ZNF319: variants seen among roughly 807,000 people sequenced by gnomAD.
The protein encoded by ZNF319 is zinc finger protein 319.
A neutral mutation model predicts 46.0 loss-of-function variants in ZNF319; 15 were observed. The ratio of observed to expected loss-of-function variants is 0.33; its 90% confidence interval spans 0.22 to 0.50. The LOEUF (loss-of-function observed/expected upper bound fraction) is 0.50, where lower values mean the gene tolerates loss of function less well. ZNF319 is among the 20% of genes least tolerant of loss of function. The probability of loss-of-function intolerance (pLI) is 0.98; values close to 1 mark genes in which losing one functional copy is unlikely to be tolerated. For missense variants in ZNF319, 635 were observed against 807.0 expected, an observed-to-expected ratio of 0.79 and a Z score of 2.58; for synonymous variants, 368 against 364.0, an observed-to-expected ratio of 1.01 and a Z score of -0.13.
chr16:57,998,260 C>T lies in ZNF319; in HGVS notation c.6G>A (p.Ser2=), dbSNP rs775041148. The change falls in exon 2 of 2, where the codon TCG becomes TCA. Residue 2 remains serine, a synonymous_variant. Transcript: ENST00000299237. ...TCTGTGGCGGCTGTTGCCAGCTTTC[C>T]GACATGCTTGGGAAGATGAAACAGG... M[S]ESWQQPPQTQ... The T allele has an allele frequency of 9.3e-5, 141 of 1,523,008 alleles. 1 individual carries two copies. In the East Asian group the frequency reaches 2.2e-3, roughly 23 times the overall value. 94.3% of individuals were successfully genotyped at this position (1,523,008 alleles called of 1,614,324 possible). A position where few individuals can be genotyped will look rare whatever the true frequency, so the allele number is the denominator to read the frequency against.
rs552597737 is a variant in ZNF319 at position 58,000,093 on chromosome 16, T to A, written c.-858A>T. On this transcript the variant is annotated 5_prime_UTR_variant, in exon 1 of 2. Transcript: ENST00000299237. The surrounding 1 kb of genome is among the most constrained non-coding windows in gnomAD (Gnocchi z 4.5). ...CCCTGAGAAACCGAATGAAAGCCGA[T>A]CACCTCCCGCCGGCCCTGCCTGCAG... Among the ~76,000 whole-genome samples the A allele has an allele frequency of 3.9e-5, 6 of 152,128 alleles. No individual in the cohort carries two copies. In the East Asian group the frequency reaches 1.2e-3, roughly 29 times the overall value.
chr16:57,997,526 T>G lies in ZNF319; in HGVS notation c.740A>C (p.His247Pro). 1 of 1,613,556 alleles carries G rather than the reference T, an allele frequency of 6.2e-7. No homozygotes were observed. Among genetic ancestry groups the G allele is most frequent in the Non-Finnish European group, 8.5e-7 (1 of 1,179,594 alleles). ...KSFSQSSHLV[H>P]HKRTHSSERP... ...CTCGGAGCTGTGCGTGCGCTTGTGGTGCACCAGGTGCGACGACTGGCTGAA... is the reference window on the plus strand; with the variant it reads ...CTCGGAGCTGTGCGTGCGCTTGTGGGGCACCAGGTGCGACGACTGGCTGAA... Residue 247 changes from histidine (H) to proline (P), a missense_variant, in exon 2 of 2, where the codon CAC becomes CCC. This residue lies in a region of ZNF319 where 138 missense variants were observed against 248.0 expected (regional missense o/e 0.56). Coordinates refer to ENST00000299237, the MANE Select transcript of ZNF319 (RefSeq NM_020807.3).
At position 58,000,363 on chromosome 16, in the gene ZNF319, T is replaced by TGGCCCCCAGATGC. The variant is rs897550509; in HGVS notation, c.-1141_-1129dup. The TGGCCCCCAGATGC allele has an allele frequency of 1.4e-5, 2 of 142,632 alleles. No homozygotes were observed. The highest frequency in any genetic ancestry group is 5.2e-5 in the African/African-American group (2 of 38,214). The allele number at this position is 142,632 out of a possible 1,614,324, so 8.8% of individuals were successfully genotyped here. On this transcript the variant is annotated 5_prime_UTR_variant, in exon 1 of 2. Coordinates refer to ENST00000299237, the MANE Select transcript of ZNF319 (RefSeq NM_020807.3). This position sits in a 1 kb window ranked among gnomAD's most constrained non-coding sequence, Gnocchi z 4.5. Reference sequence around the variant, plus strand: ...GGAAGGGGTGCGGCGGGCGCGGGGGTGGCCCCCAGATGCGGCCCCGGGCGC... The same window carrying TGGCCCCCAGATGC: ...GGAAGGGGTGCGGCGGGCGCGGGGGTGGCCCCCAGATGCGGCCCCCAGATGCGGCCCCGGGCGC...
chr16:57,997,602 G>C lies in ZNF319; in HGVS notation c.664C>G (p.Arg222Gly). Residue 222 changes from arginine (R) to glycine (G), a missense_variant, in exon 2 of 2, where the codon CGG becomes GGG. Physicochemically the swap from Arg to Gly is moderately radical, Grantham distance 125 (BLOSUM62 -2). Transcript: ENST00000299237. ...KHLSELSRHERIHTGEKPYKC... is the reference protein window; with the variant it reads ...KHLSELSRHEGIHTGEKPYKC... ...TAGGGCTTCTCACCGGTGTGGATCCGCTCATGCCGAGAGAGCTCCGACAGG... is the reference window on the plus strand; with the variant it reads ...TAGGGCTTCTCACCGGTGTGGATCCCCTCATGCCGAGAGAGCTCCGACAGG... 1 of 1,614,004 alleles carries C rather than the reference G, an allele frequency of 6.2e-7. No individual in the cohort carries two copies. The highest frequency in any genetic ancestry group is 8.5e-7 in the Non-Finnish European group (1 of 1,179,992).
Position 57,996,638 on chromosome 16 carries a change from T to C in ZNF319, c.1628A>G (p.Lys543Arg), listed in dbSNP as rs757496599. 38 of 1,611,994 alleles carry C rather than the reference T, an allele frequency of 2.4e-5. 1 individual carries two copies. Among genetic ancestry groups the C allele is most frequent in the Admixed American group, 1.3e-4 (8 of 60,004 alleles). ...QGVHAREQQFKCVWCGERFLD... is the reference protein window; with the variant it reads ...QGVHAREQQFRCVWCGERFLD... ...GAAGCGCTCCCCGCACCATACACAC[T>C]TGAACTGCTGCTCGCGGGCGTGCAC... Residue 543 changes from lysine (K) to arginine (R), a missense_variant, in exon 2 of 2, where the codon AAG becomes AGG. This residue lies in a region of ZNF319 where 270 missense variants were observed against 281.4 expected (regional missense o/e 0.96). Transcript: ENST00000299237.
rs1345603645 is a variant in ZNF319 at position 57,998,076 on chromosome 16, G to C, written c.190C>G (p.Gln64Glu). 76 of 1,609,128 alleles carry C rather than the reference G, an allele frequency of 4.7e-5. No homozygotes were observed. The highest frequency in any genetic ancestry group is 6.4e-5 in the Non-Finnish European group (76 of 1,179,288). The change falls in exon 2 of 2, where the codon CAA (glutamine) becomes GAA (glutamate). Residue 64 changes from glutamine (Q) to glutamate (E), a missense_variant. Gln to Glu is a conservative substitution (Grantham distance 29). Around this residue, in one of 3 missense-constraint regions of ZNF319, gnomAD observed 227 missense variants for 277.5 expected, o/e 0.82. Coordinates refer to ENST00000299237, the MANE Select transcript of ZNF319 (RefSeq NM_020807.3). ...LQPDPGLQPP[Q>E]HAPLQAAGEP... is the part of the protein sequence containing the mutation. ...CCTGCTGCCTGCAGGGGTGCGTGTT[G>C]TGGGGGCTGCAGGCCGGGGTCTGGC... is the stretch of plus-strand genomic sequence containing the variant.
chr16:57,998,550 C>G, intron 1 of ZNF319, 28 bp from the exon 2 acceptor site: 1 of 372,786 alleles, frequency 2.7e-6, no homozygotes, highest in Non-Finnish European at 5.0e-6. Flanking sequence ...AGTATGAGCT[C>G]GAGGAAGGAA....
chr16:57,996,499 G>A lies in ZNF319; in HGVS notation c.*18C>T. 24 of 1,501,816 alleles carry A rather than the reference G, an allele frequency of 1.6e-5. No individual in the cohort carries two copies. Among genetic ancestry groups the A allele is most frequent in the Non-Finnish European group, 2.1e-5 (24 of 1,129,170 alleles). 93.0% of individuals were successfully genotyped at this position (1,501,816 alleles called of 1,614,324 possible). A position where few individuals can be genotyped will look rare whatever the true frequency, so the allele number is the denominator to read the frequency against. On this transcript the variant is annotated 3_prime_UTR_variant, in exon 2 of 2. Transcript: ENST00000299237. ...GGCGCCGACTCAGGTCAGGCTGGTA[G>A]GGGCCACAGCCGCAGAGTCAGGGCA...
chr16:57,997,869 C>T lies in ZNF319; in HGVS notation c.397G>A (p.Val133Ile), dbSNP rs765801463. ...QCVQAEQKPFVCGVCKMGFSL... is the reference protein window; with the variant it reads ...QCVQAEQKPFICGVCKMGFSL... Reference sequence around the variant, plus strand: ...AAGCCCATCTTGCAGACCCCACAGACGAAGGGCTTCTGCTCAGCCTGCACG... The same window carrying T: ...AAGCCCATCTTGCAGACCCCACAGATGAAGGGCTTCTGCTCAGCCTGCACG... Residue 133 changes from valine (V) to isoleucine (I), a missense_variant, in exon 2 of 2, where the codon GTC (valine) becomes ATC (isoleucine). Transcript: ENST00000299237. 5.6e-6 allele frequency: 9 copies of T among 1,613,342 alleles called. No homozygotes were observed. Among genetic ancestry groups the T allele is most frequent in the African/African-American group, 1.3e-5 (1 of 75,072 alleles).
At position 57,999,710 on chromosome 16, in the gene ZNF319, C is replaced by A. The variant is rs1350108292; in HGVS notation, c.-475G>T. ...TAAGAGTCAGGCTAAAAGCTGTCAT[C>A]CTCAGCATCTTCCGGAAGGGAGGGA... On this transcript the variant is annotated 5_prime_UTR_variant, in exon 1 of 2. Transcript: ENST00000299237. 6.6e-6 allele frequency: 1 copy of A among 152,444 alleles called. No homozygotes were observed. The highest frequency in any genetic ancestry group is 1.5e-5 in the Non-Finnish European group (1 of 68,196). 9.4% of individuals were successfully genotyped at this position (152,444 alleles called of 1,614,324 possible). A position where few individuals can be genotyped will look rare whatever the true frequency, so the allele number is the denominator to read the frequency against.
In ZNF319 at chr16:57,997,770, T is replaced by C; in HGVS notation, c.496A>G (p.Thr166Ala). 1 of 1,613,058 alleles carries C rather than the reference T, an allele frequency of 6.2e-7. No individual in the cohort carries two copies. Among genetic ancestry groups the C allele is most frequent in the Admixed American group, 1.7e-5 (1 of 60,026 alleles). The change falls in exon 2 of 2, where the codon ACC (threonine) becomes GCC (alanine). Residue 166 changes from threonine to alanine, a missense_variant. Transcript: ENST00000299237. ...GLVKCSICEK[T>A]YKPAEAAEPA... is the part of the protein sequence containing the mutation. ...TCCGCTGCCTCAGCTGGCTTGTAGG[T>C]CTTTTCACAGATGGAACACTTCACC...
rs757245099 is a variant in ZNF319 at position 57,996,904 on chromosome 16, T to C, written c.1362A>G (p.Ala454=). The change falls in exon 2 of 2, where the codon GCA becomes GCG. Residue 454 remains alanine, a synonymous_variant. Transcript: ENST00000299237. ...AAAGCGTGCAGCGCAGGGGCTTCTC[T>C]GCCGCCGCACAGTGGGCCAGCTGGT... ...QKHQLAHCAA[A]EKPLRCTLCE... is the part of the protein sequence containing the mutation. 4 of 1,601,618 alleles carry C rather than the reference T, an allele frequency of 2.5e-6. No individual in the cohort carries two copies. Among genetic ancestry groups the C allele is most frequent in the Admixed American group, 1.7e-5 (1 of 59,590 alleles).
chr16:57,997,700 G>A lies in ZNF319; in HGVS notation c.566C>T (p.Pro189Leu), dbSNP rs1167735586. 1 of 1,613,790 alleles carries A rather than the reference G, an allele frequency of 6.2e-7. No homozygotes were observed. Among genetic ancestry groups the A allele is most frequent in the Non-Finnish European group, 8.5e-7 (1 of 1,180,042 alleles). Reference sequence around the variant, plus strand: ...CTGTTCAGCAGGGGTGACAGTGGAAGGCGCGGGTGCTGCGGGAAGCGACGG... The same window carrying A: ...CTGTTCAGCAGGGGTGACAGTGGAAAGCGCGGGTGCTGCGGGAAGCGACGG... ...AAPSLPAAPA[P>L]STVTPAEQAD... Residue 189 changes from proline (P) to leucine (L), a missense_variant, in exon 2 of 2, where the codon CCT (proline) becomes CTT (leucine). By Grantham distance (98) the Pro-to-Leu change is moderately conservative. Around this residue, in one of 3 missense-constraint regions of ZNF319, gnomAD observed 227 missense variants for 277.5 expected, o/e 0.82. Coordinates refer to ENST00000299237, the MANE Select transcript of ZNF319 (RefSeq NM_020807.3).
rs1962987878 is a variant in ZNF319, at chr16:57,995,143, G to A, written c.*1374C>T. ...ACCAGGGAGGGGTGGGGCTGGAAGAGGGCAGGGGATAGAGCAGGGTTCAAA... is the reference window on the plus strand; with the variant it reads ...ACCAGGGAGGGGTGGGGCTGGAAGAAGGCAGGGGATAGAGCAGGGTTCAAA... On this transcript the variant is annotated 3_prime_UTR_variant, in exon 2 of 2. Transcript: ENST00000299237. 6.6e-6 allele frequency: 1 copy of A among 152,290 alleles called. No homozygotes were observed. Among genetic ancestry groups the A allele is most frequent in the South Asian group, 2.1e-4 (1 of 4,828 alleles). The allele number at this position is 152,290 out of a possible 1,614,324, so 9.4% of individuals were successfully genotyped here.
rs202118140 is a variant in ZNF319 at position 57,998,198 on chromosome 16, T to C, written c.68A>G (p.His23Arg). 1.2e-5 allele frequency: 19 copies of C among 1,545,478 alleles called. No individual in the cohort carries two copies. The highest frequency in any genetic ancestry group is 1.6e-5 in the Non-Finnish European group (18 of 1,145,064). Residue 23 changes from histidine to arginine, a missense_variant, in exon 2 of 2, where the codon CAC becomes CGC. This residue lies in a region of ZNF319 where 227 missense variants were observed against 277.5 expected (regional missense o/e 0.82). Transcript: ENST00000299237. ...PQQPQPPQPQ[H>R]HAEPPPALAE... ...CAGGGCTGGCGGTGGCTCTGCATGGTGCTGAGGCTGCGGTGGCTGTGGCTG... is the reference window on the plus strand; with the variant it reads ...CAGGGCTGGCGGTGGCTCTGCATGGCGCTGAGGCTGCGGTGGCTGTGGCTG...
Position 57,996,141 on chromosome 16 carries a change from T to C in ZNF319, c.*376A>G. The C allele has an allele frequency of 4.1e-6, 1 of 244,842 alleles. No homozygotes were observed. The highest frequency in any genetic ancestry group is 7.9e-6 in the Non-Finnish European group (1 of 126,142). The allele number at this position is 244,842 out of a possible 1,614,324, so 15.2% of individuals were successfully genotyped here. On this transcript the variant is annotated 3_prime_UTR_variant, in exon 2 of 2. Coordinates refer to ENST00000299237, the MANE Select transcript of ZNF319 (RefSeq NM_020807.3). ...TATGTGGCTGCTAGCTTGAAAGATA[T>C]GGGAAGGTTGGGCTGGCATCACACC...
chr16:57,997,330 C>G lies in ZNF319; in HGVS notation c.936G>C (p.Glu312Asp). Residue 312 changes from glutamate to aspartate, a missense_variant, in exon 2 of 2, where the codon GAG becomes GAC. Transcript: ENST00000299237. ...GGCACTCGCCGCAGCGGAAGGGCCGCTCCCCACTTGGCGTGCACGGGTGCT... is the reference window on the plus strand; with the variant it reads ...GGCACTCGCCGCAGCGGAAGGGCCGGTCCCCACTTGGCGTGCACGGGTGCT... ...LLQHPCTPSG[E>D]RPFRCGECQK... is the part of the protein sequence containing the mutation. The G allele has an allele frequency of 1.9e-6, 3 of 1,611,528 alleles. No homozygotes were observed. Among genetic ancestry groups the G allele is most frequent in the Non-Finnish European group, 2.5e-6 (3 of 1,179,888 alleles).
In ZNF319 at chr16:57,996,427, C is replaced by T. The variant is rs1963013983; in HGVS notation, c.*90G>A. 3 of 1,437,390 alleles carry T rather than the reference C, an allele frequency of 2.1e-6. No individual in the cohort carries two copies. The African/African-American group carries it at 4.3e-5, about 21-fold the overall frequency. The allele number at this position is 1,437,390 out of a possible 1,614,324, so 89.0% of individuals were successfully genotyped here. A position where few individuals can be genotyped will look rare whatever the true frequency, so the allele number is the denominator to read the frequency against. On this transcript the variant is annotated 3_prime_UTR_variant, in exon 2 of 2. Coordinates refer to ENST00000299237, the MANE Select transcript of ZNF319 (RefSeq NM_020807.3). ...ACCGAGCTGGGTGGGGCCCTTGGTG[C>T]AAGGCAGCTGTGAGGAGCTAGGCTG...
chr16:58,000,453 C>T lies in ZNF319; in HGVS notation c.-1218G>A, dbSNP rs1476475157. The T allele has an allele frequency of 6.7e-6, 1 of 150,110 alleles. No homozygotes were observed. The allele number at this position is 150,110 out of a possible 1,614,324, so 9.3% of individuals were successfully genotyped here. A position where few individuals can be genotyped will look rare whatever the true frequency, so the allele number is the denominator to read the frequency against. On this transcript the variant is annotated 5_prime_UTR_variant, in exon 1 of 2. Coordinates refer to ENST00000299237, the MANE Select transcript of ZNF319 (RefSeq NM_020807.3). The surrounding 1 kb of genome is among the most constrained non-coding windows in gnomAD (Gnocchi z 4.5). ...GCGGGGCGAGCGGCGACCAGCTGCT[C>T]TCTCGGCCGCCCCTTTATTCCGGCT...
Sources: allele counts gnomAD v4.1 joint callset (sites outside exome capture counted in the v4.1 genomes callset), GRCh38; gene constraint gnomAD v4.1.1; regional missense constraint gnomAD v4.1.1; non-coding constraint Gnocchi (gnomAD v3.1); transcripts MANE v1.5; gene names NCBI Gene and HGNC (gene_info 2026-07-23, HGNC 2026-07-21).